Variants in PTPRG observed in about 807,000 individuals in gnomAD.
The protein encoded by PTPRG is protein tyrosine phosphatase receptor type G.
Under a neutral mutation model 165.3 loss-of-function variants are expected in PTPRG, and 102 were observed. That is an observed-to-expected ratio of 0.62 (90% CI 0.53 to 0.73). The LOEUF is 0.73. Ranked by LOEUF, PTPRG falls within the 30% of genes least tolerant of loss-of-function variation. The pLI is 0.00. For synonymous variants in PTPRG, 675 were observed against 669.5 expected (o/e 1.01, Z -0.13); for missense variants, 1,866 against 1,861.4 (o/e 1.00, Z -0.05).
At chr3:62,060,905 T>G (rs1700788271) in intron 4 of PTPRG, among the ~76,000 whole-genome samples, 1 of 152,236 alleles carries the variant, frequency 6.6e-6, no homozygotes, top group African/African-American at 2.4e-5. Flanking sequence ...TGGCTTTTTT[T>G]GCATATCAGA....
rs556935985 is a variant in PTPRG at position 62,168,141 on chromosome 3, A to C, written c.1011A>C (p.Pro337=). 72 of 1,613,936 alleles carry C rather than the reference A, an allele frequency of 4.5e-5. No individual in the cohort carries two copies. The South Asian group carries it at 5.4e-4, about 12-fold the overall frequency. Residue 337 remains proline (P), a synonymous_variant, in exon 8 of 30, where the codon CCA becomes CCC. Coordinates refer to ENST00000474889, the MANE Select transcript of PTPRG (RefSeq NM_002841.4). Reference sequence around the variant, plus strand: ...ACATGACAGACTTCTTAGAAAACCCACTGGGGACAGAAGCCTCTAAAGGTA... The same window carrying C: ...ACATGACAGACTTCTTAGAAAACCCCCTGGGGACAGAAGCCTCTAAAGGTA... ...NHDMTDFLEN[P]LGTEASKVCS...
intron 4 of PTPRG, among the ~76,000 whole-genome samples, chr3:62,044,917 C>A (rs1700241794): frequency 6.6e-6 from 1 of 152,000 alleles, no homozygotes; most frequent in Admixed American, 6.6e-5. Flanking sequence ...CATTCCTTAC[C>A]CATCCTTTTA....
intron 14 of PTPRG, among the ~76,000 whole-genome samples, chr3:62,242,116 A>C (rs936493338): frequency 4.6e-5 from 7 of 152,226 alleles, no homozygotes; most frequent in African/African-American, 1.7e-4. Flanking sequence ...ACATCAAAAT[A>C]ATTTGTTTCA....
At chr3:61,797,925 G>A (rs2107156481) in intron 2 of PTPRG, among the ~76,000 whole-genome samples, 1 of 152,108 alleles carries the variant, frequency 6.6e-6, no homozygotes, top group African/African-American at 2.4e-5. Context: ...AAAACAAGAA[G>A]GATGAGGATG....
At chr3:61,908,638 A>G (rs965643851) in intron 2 of PTPRG, among the ~76,000 whole-genome samples, 2 of 152,164 alleles carry the variant, frequency 1.3e-5, no homozygotes, top group Non-Finnish European at 2.9e-5. Context: ...TCTCCTCTGC[A>G]GGAATTAAGG....
intron 2 of PTPRG, among the ~76,000 whole-genome samples, chr3:61,850,401 G>A (rs1035829743): frequency 6.6e-6 from 1 of 152,166 alleles, no homozygotes; most frequent in Non-Finnish European, 1.5e-5. Flanking sequence ...CTGACCTCAG[G>A]TGATCCACCT....
intron 1 of PTPRG, among the ~76,000 whole-genome samples, chr3:61,681,075 A>AAAAAAAAAAAAAAG (rs999333286): frequency 6.7e-6 from 1 of 150,212 alleles, no homozygotes; most frequent in African/African-American, 2.5e-5. Context: ...AAAAAAAAAA[A>AAAAAAAAAAAAAAG]AAGAAGAAGA....
chr3:61,607,690 AG>A (rs1701052418), intron 1 of PTPRG, among the ~76,000 whole-genome samples: 1 of 152,098 alleles, frequency 6.6e-6, no homozygotes, highest in African/African-American at 2.4e-5. Context: ...AGAGGCCAGG[AG>A]GGGGAAGTTG....
intron 8 of PTPRG, among the ~76,000 whole-genome samples, chr3:62,187,377 G>A (rs75437227): frequency 0.044 from 6,654 of 152,262 alleles, 154 homozygotes; most frequent in Middle Eastern, 0.068. Context: ...TCCACGGGCC[G>A]AAACTTACTC....
chr3:61,919,517 A>G (rs1219173716), intron 2 of PTPRG, among the ~76,000 whole-genome samples: 3 of 152,142 alleles, frequency 2.0e-5, no homozygotes, highest in Non-Finnish European at 4.4e-5. Context: ...CTACTTAATG[A>G]TGAGCATGAA....
chr3:61,605,901 G>A (rs1331296200), intron 1 of PTPRG, among the ~76,000 whole-genome samples: 2 of 152,160 alleles, frequency 1.3e-5, no homozygotes, highest in African/African-American at 4.8e-5. Context: ...GAACAGCTTG[G>A]CTGCCAGAAC....
chr3:61,672,128 C>T (rs943062284), intron 1 of PTPRG, among the ~76,000 whole-genome samples: 67 of 149,106 alleles, frequency 4.5e-4, no homozygotes, highest in African/African-American at 9.0e-4. Flanking sequence ...GATGGGCGGC[C>T]GGGCAGAGAT....
At chr3:62,039,018 TC>T (rs912083272) in intron 4 of PTPRG, among the ~76,000 whole-genome samples, 1 of 152,172 alleles carries the variant, frequency 6.6e-6, no homozygotes, top group Non-Finnish European at 1.5e-5. Context: ...CACTGCAACT[TC>T]CGCCTCCCAG....
intron 2 of PTPRG, among the ~76,000 whole-genome samples, chr3:61,940,755 C>G (rs139978079): frequency 0.026 from 3,968 of 151,956 alleles, 95 homozygotes; most frequent in South Asian, 0.075. Flanking sequence ...GCTCCGCCTC[C>G]TGGGTTCATG....
At chr3:61,961,896 C>T (rs552621874) in intron 2 of PTPRG, among the ~76,000 whole-genome samples, 1 of 152,294 alleles carries the variant, frequency 6.6e-6, no homozygotes, top group East Asian at 1.9e-4. Context: ...GCGCATGTGG[C>T]TAGAGTTTGA....
At chr3:61,719,032 T>TA (rs1329458994) in intron 1 of PTPRG, among the ~76,000 whole-genome samples, 2 of 152,302 alleles carry the variant, frequency 1.3e-5, no homozygotes, top group Admixed American at 1.3e-4. Context: ...CCTGGCTCAC[T>TA]AAAAGCCAGT....
intron 1 of PTPRG, among the ~76,000 whole-genome samples, chr3:61,610,779 C>T (rs1489168394): frequency 1.4e-5 from 2 of 142,756 alleles, no homozygotes; most frequent in Admixed American, 7.0e-5. Flanking sequence ...CCCTACCTCC[C>T]TCCCTCTCTC....
At chr3:61,808,311 G>C (rs1159071906) in intron 2 of PTPRG, among the ~76,000 whole-genome samples, 1 of 152,214 alleles carries the variant, frequency 6.6e-6, no homozygotes, top group Non-Finnish European at 1.5e-5. Context: ...CTGTTAAGAT[G>C]TGGAGTGAAC....
intron 2 of PTPRG, among the ~76,000 whole-genome samples, chr3:61,851,688 T>C (rs1055869408): frequency 1.3e-5 from 2 of 152,208 alleles, no homozygotes; most frequent in African/African-American, 4.8e-5. Context: ...CTGAGAATTG[T>C]CATGAGGAGT....
Sources: allele counts gnomAD v4.1 joint callset (sites outside exome capture counted in the v4.1 genomes callset), GRCh38; gene constraint gnomAD v4.1.1; transcripts MANE v1.5; gene names NCBI Gene and HGNC (gene_info 2026-07-23, HGNC 2026-07-21).